The following LRIF1 variants were observed in gnomAD, a reference collection of about 807,000 sequenced individuals.
The protein encoded by LRIF1 is ligand dependent nuclear receptor interacting factor 1.
In LRIF1, 32 loss-of-function variants were observed where a neutral mutation model predicts 52.7. The observed-to-expected ratio is 0.61, with a 90% CI of 0.46 to 0.82. The LOEUF (loss-of-function observed/expected upper bound fraction) is 0.82, where lower values mean the gene tolerates loss of function less well. LRIF1 is among the 40% of genes least tolerant of loss of function. The pLI is 0.00. For synonymous variants in LRIF1, 323 were observed against 317.4 expected (o/e 1.02, Z -0.19); for missense variants, 887 against 892.0 (o/e 0.99, Z 0.07).
chr1:110,958,306 T>C (rs1239115751), intron 1 of LRIF1, among the ~76,000 whole-genome samples: 5 of 152,238 alleles, frequency 3.3e-5, no homozygotes, highest in Admixed American at 3.3e-4. Context: ...TAAAATTAGT[T>C]TCCAATTCTA....
the LRIF1 span, among the ~76,000 whole-genome samples, chr1:110,885,250 G>C: frequency 6.6e-6 from 1 of 152,150 alleles, no homozygotes; most frequent in Non-Finnish European, 1.5e-5. Flanking sequence ...GAACAGTTCA[G>C]TATCTATTAA....
At chr1:110,953,952 T>A (rs893386985) in intron 1 of LRIF1, among the ~76,000 whole-genome samples, 26 of 152,212 alleles carry the variant, frequency 1.7e-4, no homozygotes, top group African/African-American at 5.5e-4. Flanking sequence ...TATATTAATA[T>A]GTTTGTCTAT....
chr1:110,901,087 A>G, the LRIF1 span, among the ~76,000 whole-genome samples: 385 of 152,316 alleles, frequency 2.5e-3, 1 homozygote, highest in African/African-American at 8.9e-3. Context: ...GTCTGTAGAA[A>G]AACCTACAAC....
At chr1:110,963,539 G>C in intron 1 of LRIF1, 82 bp downstream of exon 1, 11 of 1,204,132 alleles carry the variant, frequency 9.1e-6, no homozygotes, top group Non-Finnish European at 1.3e-5. Flanking sequence ...CAACTACACA[G>C]CGTCCGGAAA....
At chr1:110,917,750 G>A in the LRIF1 span, among the ~76,000 whole-genome samples, 2 of 150,834 alleles carry the variant, frequency 1.3e-5, no homozygotes, top group African/African-American at 4.9e-5. Context: ...AAAAAAATTA[G>A]ATCAGCTAAG....
At chr1:110,875,272 G>T in the LRIF1 span, among the ~76,000 whole-genome samples, 1 of 152,174 alleles carries the variant, frequency 6.6e-6, no homozygotes, top group Admixed American at 6.5e-5. Flanking sequence ...GAAGTGGAAA[G>T]CCCTTTCTCC....
the LRIF1 span, among the ~76,000 whole-genome samples, chr1:110,924,843 G>T: frequency 1.3e-5 from 2 of 152,002 alleles, no homozygotes; most frequent in Admixed American, 6.5e-5. Flanking sequence ...CTAGAAAAAT[G>T]GATAAAAGAT....
At chr1:110,891,043 A>C in the LRIF1 span, among the ~76,000 whole-genome samples, 3 of 152,238 alleles carry the variant, frequency 2.0e-5, no homozygotes, top group Non-Finnish European at 2.9e-5. Flanking sequence ...TCAAGGGCTT[A>C]AGTGCCCAGG....
the LRIF1 span, among the ~76,000 whole-genome samples, chr1:110,909,573 CTTTTTTTTTTT>C: frequency 1.3e-5 from 1 of 77,978 alleles, no homozygotes; most frequent in Non-Finnish European, 2.4e-5. Flanking sequence ...GCAGGGGTAG[CTTTTTTTTTTT>C]TTTTTTTTTT....
chr1:110,947,838 G>T lies in LRIF1; in HGVS notation c.*121C>A. ...CTGTATTCCTTAAAGTTGTACAATC[G>T]ACTGATGAAAAAACAAGCTTCATAT... On this transcript the variant is annotated 3_prime_UTR_variant, in exon 4 of 4. Coordinates refer to ENST00000369763, the MANE Select transcript of LRIF1 (RefSeq NM_018372.4). The T allele has an allele frequency of 7.5e-7, 1 of 1,330,862 alleles. No individual in the cohort carries two copies. Among genetic ancestry groups the T allele is most frequent in the Non-Finnish European group, 1.0e-6 (1 of 998,180 alleles). 82.4% of individuals were successfully genotyped at this position (1,330,862 alleles called of 1,614,324 possible). A position where few individuals can be genotyped will look rare whatever the true frequency, so the allele number is the denominator to read the frequency against.
chr1:110,890,183 C>G, the LRIF1 span, among the ~76,000 whole-genome samples: 1 of 152,134 alleles, frequency 6.6e-6, no homozygotes, highest in Non-Finnish European at 1.5e-5. Context: ...GGAAAAAAAT[C>G]ACTGCCCCAA....
intron 1 of LRIF1, among the ~76,000 whole-genome samples, chr1:110,957,281 C>A (rs1242396322): frequency 7.1e-6 from 1 of 140,790 alleles, no homozygotes; most frequent in Non-Finnish European, 1.5e-5. Context: ...CACAGTGAAA[C>A]CCCATCTCTA....
chr1:110,899,383 A>G, the LRIF1 span: 1 of 524,914 alleles, frequency 1.9e-6, no homozygotes, highest in Non-Finnish European at 3.4e-6. Flanking sequence ...CAGCAAGACA[A>G]TCTTTCACTC....
the LRIF1 span, chr1:110,896,713 C>T: frequency 6.2e-7 from 1 of 1,613,108 alleles, no homozygotes; most frequent in Non-Finnish European, 8.5e-7. Flanking sequence ...AGCATCTTGC[C>T]CCTCAGATCG....
chr1:110,960,227 G>A lies in LRIF1; in HGVS notation c.68+3394C>T, dbSNP rs529971600. 3.9e-5 allele frequency among the ~76,000 whole-genome samples: 6 copies of A among 152,120 alleles called. No individual in the cohort carries two copies. In the South Asian group the frequency reaches 1.2e-3, roughly 32 times the overall value. On this transcript the variant is annotated intron_variant, in intron 1 of 3. Transcript: ENST00000369763. ...TTATCTACTTTCTATATTTACTTTAGCATAACCCCATTATAACAGGGTCCA... is the reference window on the plus strand; with the variant it reads ...TTATCTACTTTCTATATTTACTTTAACATAACCCCATTATAACAGGGTCCA...
At chr1:110,961,423 G>A (rs1455659813) in intron 1 of LRIF1, among the ~76,000 whole-genome samples, 3 of 152,150 alleles carry the variant, frequency 2.0e-5, no homozygotes, top group Non-Finnish European at 4.4e-5. Context: ...CCACTATAGC[G>A]TTCTGACTCC....
At chr1:110,951,251 G>C (rs773992111) in intron 2 of LRIF1, 37 bp downstream of exon 2, 1 of 1,506,808 alleles carries the variant, frequency 6.6e-7, no homozygotes, top group Non-Finnish European at 9.0e-7. Flanking sequence ...TTTCTATATA[G>C]ATATATAAAA....
downstream of LRIF1, among the ~76,000 whole-genome samples, chr1:110,942,704 CACCT>C (rs918114689): frequency 1.2e-4 from 19 of 152,070 alleles, no homozygotes; most frequent in African/African-American, 4.3e-4. Context: ...AAAGGATTTC[CACCT>C]GATCAAGTGG....
the LRIF1 span, among the ~76,000 whole-genome samples, chr1:110,919,973 G>A: frequency 1.3e-5 from 2 of 152,134 alleles, no homozygotes; most frequent in African/African-American, 2.4e-5. Context: ...ATGTCATTAG[G>A]AAATTGCAAA....
Sources: allele counts gnomAD v4.1 joint callset (sites outside exome capture counted in the v4.1 genomes callset), GRCh38; gene constraint gnomAD v4.1.1; transcripts MANE v1.5; gene names NCBI Gene and HGNC (gene_info 2026-07-23, HGNC 2026-07-21).